DOK6: variants seen among roughly 807,000 people sequenced by gnomAD.
DOK6 encodes the protein docking protein 6, also known as downstream of tyrosine kinase 6.
A neutral mutation model predicts 44.0 loss-of-function variants in DOK6; 22 were observed. That is an observed-to-expected ratio of 0.50 (90% CI 0.36 to 0.71). The LOEUF is 0.71. Ranked by LOEUF, DOK6 falls within the 30% of genes least tolerant of loss-of-function variation. The pLI is 0.00. For missense variants in DOK6, 340 were observed against 416.4 expected (o/e 0.82, Z 1.60); for synonymous variants, 166 against 145.5 (o/e 1.14, Z -1.01).
chr18:69,494,475 C>A (rs1250291098), intron 1 of DOK6, among the ~76,000 whole-genome samples: 1 of 119,436 alleles, frequency 8.4e-6, no homozygotes, highest in Non-Finnish European at 1.9e-5. Context: ...GATTCTGTCT[C>A]AAAAAACAAA....
intron 3 of DOK6, among the ~76,000 whole-genome samples, chr18:69,605,681 A>G (rs371554412): frequency 6.6e-6 from 1 of 152,288 alleles, no homozygotes; most frequent in African/African-American, 2.4e-5. Context: ...GTATTTCACA[A>G]TATTCAAAGA....
rs982336918 is a variant in DOK6 at position 69,843,781 on chromosome 18, A to G, written c.*2398A>G. On this transcript the variant is annotated 3_prime_UTR_variant, in exon 8 of 8. Coordinates refer to ENST00000382713, the MANE Select transcript of DOK6 (RefSeq NM_152721.6). ...CGTAAAAAGAGTATGTGTGAGAGAA[A>G]TCTCCTTCCCAAGTTTTTAACCAGA... is the stretch of plus-strand genomic sequence containing the variant. The G allele has an allele frequency of 1.1e-4, 16 of 152,168 alleles. No individual in the cohort carries two copies. The highest frequency in any genetic ancestry group is 3.9e-4 in the African/African-American group (16 of 41,438). 9.4% of individuals were successfully genotyped at this position (152,168 alleles called of 1,614,324 possible).
rs149209252 is a variant in DOK6 at position 69,481,216 on chromosome 18, A to AT, written c.66+79914dup. Among the ~76,000 whole-genome samples, 1,116 of 151,574 alleles carry AT rather than the reference A, an allele frequency of 7.4e-3. 15 individuals carry two copies. The highest frequency in any genetic ancestry group is 0.025 in the African/African-American group (1,013 of 41,316). On this transcript the variant is annotated intron_variant, in intron 1 of 7. Transcript: ENST00000382713. ...ATACCAAGTCACATGTGTGATGGGGATTTTTTTTATATTTTTTATTATTAT... is the reference window on the plus strand; with the variant it reads ...ATACCAAGTCACATGTGTGATGGGGATTTTTTTTTATATTTTTTATTATTAT...
intron 7 of DOK6, among the ~76,000 whole-genome samples, chr18:69,793,474 T>G (rs2145099388): frequency 6.6e-6 from 1 of 152,280 alleles, no homozygotes; most frequent in East Asian, 1.9e-4. Flanking sequence ...TGACAATGCT[T>G]TAGTTCCACA....
chr18:69,426,171 T>A (rs187904627), intron 1 of DOK6, among the ~76,000 whole-genome samples: 278 of 152,266 alleles, frequency 1.8e-3, no homozygotes, highest in African/African-American at 6.1e-3. Context: ...CATTTCTGCA[T>A]ATGTGTAGGT....
In DOK6 at chr18:69,650,030, C is replaced by T. The variant is rs150317437; in HGVS notation, c.290-27704C>T. Among the ~76,000 whole-genome samples, 276 of 152,124 alleles carry T rather than the reference C, an allele frequency of 1.8e-3. 3 individuals are homozygous for T. The highest frequency in any genetic ancestry group is 6.0e-3 in the African/African-American group (250 of 41,496). On this transcript the variant is annotated intron_variant, in intron 3 of 7. Transcript: ENST00000382713. The stretch of plus-strand genomic sequence containing the variant: ...TAGACAGCCAAAAATCACCACAGAG[C>T]GACTTTCCTTTCCAAGGAAAGGACA...
intron 1 of DOK6, among the ~76,000 whole-genome samples, chr18:69,491,618 G>A (rs1450570099): frequency 1.3e-5 from 2 of 152,146 alleles, no homozygotes; most frequent in Non-Finnish European, 2.9e-5. Flanking sequence ...AAATGTTTAG[G>A]TTGTTAGCAG....
intron 6 of DOK6, among the ~76,000 whole-genome samples, chr18:69,751,107 G>T (rs770199818): frequency 2.0e-5 from 3 of 152,092 alleles, no homozygotes; most frequent in African/African-American, 2.4e-5. Flanking sequence ...CTAGGGGCTC[G>T]GGGGCAACAG....
chr18:69,661,987 C>T (rs1401686245), intron 3 of DOK6: 1 of 152,122 alleles, frequency 6.6e-6, no homozygotes, highest in Non-Finnish European at 1.5e-5. Context: ...CTATTTCTCA[C>T]CTTGGTTCTT....
chr18:69,599,204 G>C (rs1434409066), intron 2 of DOK6, among the ~76,000 whole-genome samples, 180 bp from the exon 3 acceptor site: 1 of 152,036 alleles, frequency 6.6e-6, no homozygotes, highest in Non-Finnish European at 1.5e-5. Context: ...CCAAAGTTAA[G>C]GGCATAATAG....
chr18:69,667,708 C>G (rs181231964), intron 3 of DOK6, among the ~76,000 whole-genome samples: 3 of 152,264 alleles, frequency 2.0e-5, no homozygotes, highest in African/African-American at 7.2e-5. Flanking sequence ...CCTTAAATGT[C>G]TGTTATGTCT....
intron 3 of DOK6, among the ~76,000 whole-genome samples, chr18:69,620,634 G>A (rs777047197): frequency 2.5e-4 from 38 of 152,108 alleles, no homozygotes; most frequent in Non-Finnish European, 4.7e-4. Flanking sequence ...GGTTTGAAAG[G>A]AAGATTTAAT....
intron 1 of DOK6, among the ~76,000 whole-genome samples, chr18:69,483,960 A>G (rs1292463194): frequency 6.6e-6 from 1 of 151,992 alleles, no homozygotes; most frequent in Non-Finnish European, 1.5e-5. Context: ...TTAAATATCT[A>G]CATATTTTTA....
intron 1 of DOK6, among the ~76,000 whole-genome samples, chr18:69,500,065 CA>C (rs1035527387): frequency 1.3e-5 from 2 of 152,150 alleles, no homozygotes; most frequent in African/African-American, 4.8e-5. Context: ...CCATCGACTT[CA>C]ACCTCAGTTT....
At chr18:69,644,412 G>T (rs1357118571) in intron 3 of DOK6, among the ~76,000 whole-genome samples, 1 of 151,964 alleles carries the variant, frequency 6.6e-6, no homozygotes, top group African/African-American at 2.4e-5. Flanking sequence ...TTAAGTTTAT[G>T]ATCCATTTTG....
rs1249286197 is a variant in DOK6, at chr18:69,649,662, A to G, written c.290-28072A>G. On this transcript the variant is annotated intron_variant, in intron 3 of 7. Coordinates refer to ENST00000382713, the MANE Select transcript of DOK6 (RefSeq NM_152721.6). ...AAAATGGATTTGAATTAATGAGATTAGTAAAGGGCCTGATATAAGGTCAAT... is the reference window on the plus strand; with the variant it reads ...AAAATGGATTTGAATTAATGAGATTGGTAAAGGGCCTGATATAAGGTCAAT... Among the ~76,000 whole-genome samples, 4 of 152,328 alleles carry G rather than the reference A, an allele frequency of 2.6e-5. No homozygotes were observed. The East Asian group carries it at 7.7e-4, about 29-fold the overall frequency.
In DOK6 at chr18:69,593,052, AT is replaced by A. The variant is rs201096219; in HGVS notation, c.175-6323del. ...CTTGTCCTAAATTTTCATGGTTAAA[AT>A]TTTTTTTTAAGTGGAATTTGGTTAG... On this transcript the variant is annotated intron_variant, in intron 2 of 7. Coordinates refer to ENST00000382713, the MANE Select transcript of DOK6 (RefSeq NM_152721.6). Among the ~76,000 whole-genome samples the A allele has an allele frequency of 3.6e-3, 543 of 151,732 alleles. 1 individual carries two copies. The highest frequency in any genetic ancestry group is 7.9e-3 in the East Asian group (41 of 5,158).
At chr18:69,808,323 A>G (rs547427530) in intron 7 of DOK6, among the ~76,000 whole-genome samples, 2 of 151,912 alleles carry the variant, frequency 1.3e-5, no homozygotes, top group African/African-American at 2.4e-5. Flanking sequence ...ATAAATGCCT[A>G]CACCAAAAAA....
chr18:69,549,814 TTTTATTTGAAAGAATTTA>T (rs2144587451), intron 1 of DOK6, among the ~76,000 whole-genome samples: 1 of 151,462 alleles, frequency 6.6e-6, no homozygotes, highest in Admixed American at 6.6e-5. Context: ...AAAGTACATT[TTTTATTTGAAAGAATTTA>T]TTAGATTTAT....
Sources: gnomAD v4.1 joint callset for allele counts (sites outside exome capture counted in the v4.1 genomes callset) on GRCh38, gnomAD v4.1.1 for gene constraint, MANE v1.5 for transcripts, NCBI Gene and HGNC (gene_info 2026-07-23, HGNC 2026-07-21) for gene names.